The following BEAN1 variants were observed in gnomAD, a reference collection of about 807,000 sequenced individuals.
The protein encoded by BEAN1 is brain expressed associated with NEDD4 1.
A neutral mutation model predicts 17.7 loss-of-function variants in BEAN1; 17 were observed. That is an observed-to-expected ratio of 0.96 (90% CI 0.66 to 1.44). BEAN1 has a LOEUF of 1.44. Ranked by LOEUF, BEAN1 falls within the 40% of genes most tolerant of loss-of-function variation. The probability of loss-of-function intolerance (pLI) is 0.00; values close to 1 mark genes in which losing one functional copy is unlikely to be tolerated. For missense variants in BEAN1, 359 were observed against 374.1 expected (o/e 0.96, Z 0.33); for synonymous variants, 142 against 151.8 (o/e 0.94, Z 0.47).
chr16:66,487,365 C>T (rs1396453942), downstream of BEAN1, among the ~76,000 whole-genome samples: 1 of 152,106 alleles, frequency 6.6e-6, no homozygotes, highest in Non-Finnish European at 1.5e-5. Flanking sequence ...TGAGTTATGC[C>T]TCCCAGACTA....
chr16:66,436,852 G>A (rs184542923), intron 1 of BEAN1, among the ~76,000 whole-genome samples: 3 of 152,234 alleles, frequency 2.0e-5, no homozygotes, highest in Admixed American at 6.5e-5. Flanking sequence ...ACTGGGGGGC[G>A]GGGAGAGAGG....
At position 66,435,372 on chromosome 16, in the gene BEAN1, A is replaced by G. The variant is rs73592630; in HGVS notation, c.-82-2223A>G. Among the ~76,000 whole-genome samples the G allele has an allele frequency of 3.0e-3, 451 of 152,304 alleles. 2 individuals carry two copies. The highest frequency in any genetic ancestry group is 0.01 in the African/African-American group (434 of 41,566). On this transcript the variant is annotated intron_variant, in intron 1 of 4. Transcript: ENST00000536005. ...CACCTCAAAAGTCTGTTGCAATACCATTGGTGACATTAGGCACATGCAGGT... is the reference window on the plus strand; with the variant it reads ...CACCTCAAAAGTCTGTTGCAATACCGTTGGTGACATTAGGCACATGCAGGT...
In BEAN1 at chr16:66,471,138, T is replaced by C. The variant is rs916727542; in HGVS notation, c.289+1273T>C. ...GAATTGGATCCGATCAGCCCTGGCC[T>C]TTGGGGCCCCTCCTCCCCCTCCCAG... On this transcript the variant is annotated intron_variant, in intron 3 of 4. Coordinates refer to ENST00000536005, the MANE Select transcript of BEAN1 (RefSeq NM_001178020.3). The surrounding 1 kb of genome is among the most constrained non-coding windows in gnomAD (Gnocchi z 4.7). 2.6e-5 allele frequency among the ~76,000 whole-genome samples: 4 copies of C among 152,212 alleles called. No individual in the cohort carries two copies. The highest frequency in any genetic ancestry group is 9.6e-5 in the African/African-American group (4 of 41,458).
intron 2 of BEAN1, among the ~76,000 whole-genome samples, chr16:66,449,606 CAAAAAAA>C (rs35721774): frequency 1.2e-5 from 1 of 83,344 alleles, no homozygotes; most frequent in South Asian, 4.8e-4. Context: ...GACTCCATCT[CAAAAAAA>C]AAAAAAAAAA....
intron 3 of BEAN1, among the ~76,000 whole-genome samples, chr16:66,474,070 C>T (rs528678007): frequency 1.3e-5 from 2 of 152,286 alleles, no homozygotes; most frequent in African/African-American, 4.8e-5. Flanking sequence ...CCCACAGGCA[C>T]CTCAGGCTCC....
chr16:66,458,748 T>G (rs1962969411), intron 2 of BEAN1, among the ~76,000 whole-genome samples: 1 of 152,100 alleles, frequency 6.6e-6, no homozygotes, highest in South Asian at 2.1e-4. Flanking sequence ...TAAATGAGAG[T>G]GACAGTGGTA....
At chr16:66,438,414 G>A (rs1339968597) in intron 2 of BEAN1, among the ~76,000 whole-genome samples, 4 of 152,186 alleles carry the variant, frequency 2.6e-5, no homozygotes, top group Admixed American at 6.5e-5. Flanking sequence ...ATGGTGATGT[G>A]TGTTGTGAGG....
chr16:66,435,169 G>C (rs550248933), intron 1 of BEAN1, among the ~76,000 whole-genome samples: 2 of 152,250 alleles, frequency 1.3e-5, no homozygotes, highest in Admixed American at 1.3e-4. Context: ...CTAGGAAGCA[G>C]GCCAGCCAGA....
chr16:66,491,097 G>A (rs1327112740), intron 4 of BEAN1, among the ~76,000 whole-genome samples: 1 of 152,184 alleles, frequency 6.6e-6, no homozygotes, highest in African/African-American at 2.4e-5. Context: ...AGACCCTCCT[G>A]GGCAACATCA....
chr16:66,479,748 C>T (rs1341602789), intron 4 of BEAN1, among the ~76,000 whole-genome samples: 2 of 152,054 alleles, frequency 1.3e-5, no homozygotes, highest in Non-Finnish European at 2.9e-5. Flanking sequence ...GAGTTATGCC[C>T]TCAGCTCCTG....
intron 1 of BEAN1, chr16:66,428,615 T>C (rs1961672829): frequency 6.6e-6 from 1 of 152,232 alleles, no homozygotes; most frequent in Non-Finnish European, 1.5e-5. Flanking sequence ...TGAGCCTTAG[T>C]TTCCCCATCT....
chr16:66,431,131 A>C (rs1437425461), intron 1 of BEAN1, among the ~76,000 whole-genome samples: 10 of 152,230 alleles, frequency 6.6e-5, no homozygotes, highest in Admixed American at 6.5e-4. Flanking sequence ...TTTCAATAAC[A>C]AATGACATGT....
At chr16:66,477,468 G>C in intron 3 of BEAN1, 92 bp from the exon 4 acceptor site, 1 of 1,311,100 alleles carries the variant, frequency 7.6e-7, no homozygotes, top group East Asian at 2.9e-5. Context: ...TGGGGAATCA[G>C]AGCCTCCATG....
At chr16:66,469,422 G>A (rs1963379606) in intron 2 of BEAN1, among the ~76,000 whole-genome samples, 180 bp from the exon 3 acceptor site, 1 of 152,230 alleles carries the variant, frequency 6.6e-6, no homozygotes, top group Non-Finnish European at 1.5e-5. Flanking sequence ...CCTGCAGGCA[G>A]CGGAGTGAGG....
At chr16:66,435,988 G>GA in intron 1 of BEAN1, among the ~76,000 whole-genome samples, 1 of 152,176 alleles carries the variant, frequency 6.6e-6, no homozygotes, top group East Asian at 1.9e-4. Flanking sequence ...AGGGATGAGG[G>GA]ATATATACCC....
At chr16:66,435,551 G>A (rs1484619130) in intron 1 of BEAN1, among the ~76,000 whole-genome samples, 1 of 152,132 alleles carries the variant, frequency 6.6e-6, no homozygotes, top group Non-Finnish European at 1.5e-5. Flanking sequence ...GCAGTGGCAT[G>A]ATCTCGGCTC....
chr16:66,477,843 T>C (rs1458040777), intron 4 of BEAN1, 133 bp downstream of exon 4: 31 of 1,070,266 alleles, frequency 2.9e-5, no homozygotes, highest in Non-Finnish European at 2.5e-6. Context: ...TCAGTGGGCA[T>C]GGCCACCTCC....
chr16:66,431,275 A>T (rs1961788432), intron 1 of BEAN1, among the ~76,000 whole-genome samples: 1 of 152,212 alleles, frequency 6.6e-6, no homozygotes, highest in South Asian at 2.1e-4. Flanking sequence ...AGCCTAGGCA[A>T]CCCTGGCTCT....
intron 1 of BEAN1, among the ~76,000 whole-genome samples, chr16:66,432,393 A>G (rs141808223): frequency 1.3e-5 from 2 of 152,232 alleles, no homozygotes; most frequent in Non-Finnish European, 2.9e-5. Context: ...AGGACCCCCA[A>G]CTGCAGCTTC....
Sources: gnomAD v4.1 joint callset for allele counts (sites outside exome capture counted in the v4.1 genomes callset) on GRCh38, gnomAD v4.1.1 for gene constraint, Gnocchi (gnomAD v3.1) non-coding constraint, MANE v1.5 for transcripts, NCBI Gene and HGNC (gene_info 2026-07-23, HGNC 2026-07-21) for gene names.